Variants in SOX6 observed in about 807,000 individuals in gnomAD.
SOX6 encodes the protein SRY-box transcription factor 6.
SOX6 carries 11 observed loss-of-function variants against 97.8 expected under a neutral mutation model. That is an observed-to-expected ratio of 0.11 (90% confidence interval 0.07 to 0.19). SOX6 has a LOEUF of 0.19. Among genes scored for constraint, SOX6 ranks in the 10% least tolerant of loss-of-function variants. SOX6 has a pLI of 1.00. For missense variants in SOX6, 810 were observed against 1,039.5 expected (o/e 0.78, Z 3.04); for synonymous variants, 360 against 371.4 (o/e 0.97, Z 0.35).
At chr11:16,292,401 G>A (rs560848713) in intron 3 of SOX6, among the ~76,000 whole-genome samples, 1 of 152,136 alleles carries the variant, frequency 6.6e-6, no homozygotes, top group South Asian at 2.1e-4. Flanking sequence ...CACTAAGAGC[G>A]ATCATAAATC....
intron 3 of SOX6, among the ~76,000 whole-genome samples, chr11:16,648,343 G>T (rs780164386): frequency 2.0e-5 from 3 of 152,032 alleles, no homozygotes; most frequent in Non-Finnish European, 4.4e-5. Context: ...GCCATGGCAG[G>T]CCCCACCCAA....
At chr11:16,401,545 C>T (rs913646218) in intron 1 of SOX6, among the ~76,000 whole-genome samples, 1 of 151,452 alleles carries the variant, frequency 6.6e-6, no homozygotes, top group African/African-American at 2.4e-5. Flanking sequence ...AACCATGTAG[C>T]AAATGGCAGT....
At chr11:16,292,452 G>A (rs1330958326) in intron 3 of SOX6, among the ~76,000 whole-genome samples, 1 of 151,930 alleles carries the variant, frequency 6.6e-6, no homozygotes, top group African/African-American at 2.4e-5. Flanking sequence ...AGGTGATAGT[G>A]GGAAAAGATT....
chr11:16,372,248 G>A lies in SOX6; in HGVS notation c.-4-30996C>T, dbSNP rs928099114. Reference sequence around the variant, plus strand: ...AAGATGACCAGAATAAATAAAACAGGACCTAAGAAAAGCAAGTTATTCAAT... The same window carrying A: ...AAGATGACCAGAATAAATAAAACAGAACCTAAGAAAAGCAAGTTATTCAAT... On this transcript the variant is annotated intron_variant, in intron 1 of 15. Coordinates refer to the SOX6 transcript ENST00000396356. Among the ~76,000 whole-genome samples the A allele has an allele frequency of 1.2e-4, 18 of 151,932 alleles. 1 individual carries two copies. The highest frequency in any genetic ancestry group is 7.4e-5 in the Non-Finnish European group (5 of 67,968).
intron 6 of SOX6, among the ~76,000 whole-genome samples, chr11:16,172,113 C>G (rs1851055278): frequency 6.6e-6 from 1 of 151,796 alleles, no homozygotes; most frequent in African/African-American, 2.4e-5. Flanking sequence ...AGACAAAGTT[C>G]TAGCCACTTA....
chr11:16,548,915 A>C (rs1847649871), intron 4 of SOX6, among the ~76,000 whole-genome samples: 1 of 152,318 alleles, frequency 6.6e-6, no homozygotes, highest in African/African-American at 2.4e-5. Context: ...ATATTTCAAA[A>C]AAAATGAAAT....
intron 4 of SOX6, among the ~76,000 whole-genome samples, chr11:16,559,780 C>A (rs1168332823): frequency 6.6e-6 from 1 of 152,110 alleles, no homozygotes; most frequent in Non-Finnish European, 1.5e-5. Flanking sequence ...TTGTACCAGT[C>A]TTTCCAAAAC....
At chr11:16,422,911 A>G (rs1041287975) in intron 1 of SOX6, among the ~76,000 whole-genome samples, 1 of 152,188 alleles carries the variant, frequency 6.6e-6, no homozygotes, top group Non-Finnish European at 1.5e-5. Flanking sequence ...AAACACCTTT[A>G]TATTAGTCTC....
Position 16,269,582 on chromosome 11 carries a change from G to A in SOX6, c.446-34911C>T, listed in dbSNP as rs537121915. Among the ~76,000 whole-genome samples, 35 of 150,582 alleles carry A rather than the reference G, an allele frequency of 2.3e-4. No homozygotes were observed. In the Middle Eastern group the frequency reaches 0.014, roughly 59 times the overall value. On this transcript the variant is annotated intron_variant, in intron 3 of 15. Transcript: ENST00000683767. ...GCCCTATCCACCAAAAGGGGATGTCGTTTTATTTGTTCAGATGTACTACTG... is the reference window on the plus strand; with the variant it reads ...GCCCTATCCACCAAAAGGGGATGTCATTTTATTTGTTCAGATGTACTACTG...
At position 16,708,738 on chromosome 11, in the gene SOX6, G is replaced by A. The variant is rs182225060; in HGVS notation, n.429+6092C>T. Among the ~76,000 whole-genome samples the A allele has an allele frequency of 7.3e-4, 111 of 152,114 alleles. 1 individual carries two copies. The highest frequency in any genetic ancestry group is 1.1e-3 in the Non-Finnish European group (72 of 67,984). ...ATAGCCATGCGTGGGGTACATGATC[G>A]GTAAATAAAGACTTATACCGGATAG... On this transcript the variant is annotated intron_variant and non_coding_transcript_variant, in intron 3 of 5. Transcript: ENST00000524520.
At chr11:16,455,980 A>G (rs1334614959) in intron 1 of SOX6, among the ~76,000 whole-genome samples, 1 of 152,060 alleles carries the variant, frequency 6.6e-6, no homozygotes, top group African/African-American at 2.4e-5. Context: ...TTTTTAATGA[A>G]TGGGCAACTA....
intron 3 of SOX6, among the ~76,000 whole-genome samples, chr11:16,653,656 C>T (rs1041019153): frequency 4.2e-4 from 64 of 152,210 alleles, no homozygotes; most frequent in Admixed American, 1.2e-3. Context: ...TAAAGCACTA[C>T]ACATTAGGTA....
Position 16,491,855 on chromosome 11 carries a change from G to T in SOX6, n.610-15467C>A, listed in dbSNP as rs79079707. Among the ~76,000 whole-genome samples, 1,324 of 152,190 alleles carry T rather than the reference G, an allele frequency of 8.7e-3. 22 individuals are homozygous for T. Among genetic ancestry groups the T allele is most frequent in the African/African-American group, 0.029 (1,208 of 41,528 alleles). ...AAGATCAGTTCCAGGTAGTCTATGG[G>T]TCTAAATTAAAAAGGTAAAACAATG... is the stretch of plus-strand genomic sequence containing the variant. On this transcript the variant is annotated intron_variant and non_coding_transcript_variant, in intron 4 of 5. Coordinates refer to the SOX6 transcript ENST00000524520.
chr11:16,542,894 A>G (rs1861429155), intron 4 of SOX6, among the ~76,000 whole-genome samples: 1 of 152,086 alleles, frequency 6.6e-6, no homozygotes, highest in Non-Finnish European at 1.5e-5. Context: ...AGAATCAGGG[A>G]CCAGTAATTG....
chr11:16,432,073 T>C (rs575007364), intron 1 of SOX6, among the ~76,000 whole-genome samples: 1 of 152,244 alleles, frequency 6.6e-6, no homozygotes, highest in South Asian at 2.1e-4. Flanking sequence ...ATAATTTCTC[T>C]ACATATTCAA....
At chr11:16,437,740 TAC>T (rs771035700) in intron 1 of SOX6, among the ~76,000 whole-genome samples, 13,900 of 152,264 alleles carry the variant, frequency 0.091, 683 homozygotes, top group Non-Finnish European at 0.11. Context: ...ACCTGTAAAC[TAC>T]ATAATATGGG....
At chr11:16,515,344 T>C (rs1225318793) in intron 4 of SOX6, among the ~76,000 whole-genome samples, 8 of 150,332 alleles carry the variant, frequency 5.3e-5, no homozygotes, top group Non-Finnish European at 1.0e-4. Context: ...ATAAATGTCT[T>C]CTTTTGAGAA....
intron 10 of SOX6, 74 bp from the exon 11 acceptor site, chr11:16,050,012 T>C (rs1847646854): frequency 2.7e-6 from 4 of 1,465,252 alleles, no homozygotes; most frequent in Non-Finnish European, 3.8e-6. Context: ...TAAGCCACAG[T>C]TATTTTACAC....
At chr11:16,148,714 C>T (rs185648977) in intron 6 of SOX6, among the ~76,000 whole-genome samples, 1 of 152,246 alleles carries the variant, frequency 6.6e-6, no homozygotes, top group Non-Finnish European at 1.5e-5. Context: ...ATGCCTCTCT[C>T]TCCTTACTTT....
Sources: allele counts gnomAD v4.1 joint callset (sites outside exome capture counted in the v4.1 genomes callset), GRCh38; gene constraint gnomAD v4.1.1; transcripts MANE v1.5; gene names NCBI Gene and HGNC (gene_info 2026-07-23, HGNC 2026-07-21).